The following CST8 variants were observed in gnomAD, a reference collection of about 807,000 sequenced individuals.
CST8 encodes cystatin 8, also known as cystatin-8.
A neutral mutation model predicts 11.8 loss-of-function variants in CST8; 20 were observed. The ratio of observed to expected loss-of-function variants is 1.70; its 90% CI spans 1.20 to 2.47. The LOEUF (loss-of-function observed/expected upper bound fraction) is 2.47. CST8 is among the 30% of genes most tolerant of loss of function. The probability of loss-of-function intolerance (pLI) is 0.00; values close to 1 mark genes in which losing one functional copy is unlikely to be tolerated. For missense variants in CST8, 196 were observed against 167.2 expected (o/e 1.17, Z -0.95); for synonymous variants, 77 against 63.1 (o/e 1.22, Z -1.05).
the CST8 span, among the ~76,000 whole-genome samples, chr20:23,501,519 G>A: frequency 2.6e-5 from 4 of 152,230 alleles, no homozygotes; most frequent in South Asian, 4.1e-4. Flanking sequence ...CTATGGAGGG[G>A]ACAGAGTGAA....
At position 23,493,267 on chromosome 20, in the gene CST8, C is replaced by T. The variant is rs894606669; in HGVS notation, c.345+196C>T. Among the ~76,000 whole-genome samples the T allele has an allele frequency of 3.9e-5, 6 of 152,172 alleles. No individual in the cohort carries two copies. The East Asian group carries it at 1.2e-3, about 29-fold the overall frequency. ...GAACCCTCTGAGCTTCTTTCTCATCCTTCATCCTGCAGAAAGGATGTTGTC... is the reference window on the plus strand; with the variant it reads ...GAACCCTCTGAGCTTCTTTCTCATCTTTCATCCTGCAGAAAGGATGTTGTC... On this transcript the variant is annotated intron_variant, in intron 3 of 3. Coordinates refer to ENST00000246012, the MANE Select transcript of CST8 (RefSeq NM_005492.4).
chr20:23,506,000 T>G, the CST8 span, among the ~76,000 whole-genome samples: 16 of 152,110 alleles, frequency 1.1e-4, no homozygotes, highest in African/African-American at 3.6e-4. Context: ...TCCTAGTTTT[T>G]TTTTTTTTTA....
At chr20:23,506,419 A>G in the CST8 span, among the ~76,000 whole-genome samples, 1 of 152,204 alleles carries the variant, frequency 6.6e-6, no homozygotes, top group African/African-American at 2.4e-5. Flanking sequence ...TTTATAGAAA[A>G]GCATGGTTTG....
At chr20:23,501,084 T>G in the CST8 span, among the ~76,000 whole-genome samples, 2 of 152,264 alleles carry the variant, frequency 1.3e-5, no homozygotes, top group African/African-American at 4.8e-5. Context: ...CTTGTGGAGC[T>G]TTTTGTCCAA....
intron 3 of CST8, among the ~76,000 whole-genome samples, chr20:23,493,498 G>T (rs557112865): frequency 2.5e-4 from 38 of 152,308 alleles, no homozygotes; most frequent in Middle Eastern, 6.8e-3. Context: ...CTGAGCACCA[G>T]GTGCTACGTG....
At chr20:23,498,123 G>A (rs1371530584), downstream of CST8, among the ~76,000 whole-genome samples, 1 of 152,030 alleles carries the variant, frequency 6.6e-6, no homozygotes, top group Admixed American at 6.6e-5. Flanking sequence ...AAATTCTCTT[G>A]AAGAAAGTAA....
downstream of CST8, among the ~76,000 whole-genome samples, chr20:23,500,107 C>T (rs1376629433): frequency 6.6e-6 from 1 of 151,882 alleles, no homozygotes; most frequent in East Asian, 1.9e-4. Flanking sequence ...TTTTAACACT[C>T]AATCTTACGG....
At chr20:23,493,871 G>A (rs1339884660) in intron 3 of CST8, among the ~76,000 whole-genome samples, 1 of 152,148 alleles carries the variant, frequency 6.6e-6, no homozygotes, top group African/African-American at 2.4e-5. Flanking sequence ...CTGATGACCG[G>A]GTTCCACCGG....
the CST8 span, among the ~76,000 whole-genome samples, chr20:23,504,710 C>T: frequency 2.0e-5 from 3 of 152,006 alleles, no homozygotes; most frequent in African/African-American, 7.3e-5. Flanking sequence ...ATAGAACACA[C>T]CCAATGACAA....
chr20:23,505,853 A>T, the CST8 span, among the ~76,000 whole-genome samples: 1 of 152,220 alleles, frequency 6.6e-6, no homozygotes, highest in African/African-American at 2.4e-5. Flanking sequence ...TTGTGTGCAC[A>T]TTAAAGCTTG....
At position 23,491,873 on chromosome 20, in the gene CST8, T is replaced by C; in HGVS notation, c.206T>C (p.Val69Ala). 1 of 1,614,070 alleles carries C rather than the reference T, an allele frequency of 6.2e-7. No homozygotes were observed. The highest frequency in any genetic ancestry group is 1.6e-4 in the Middle Eastern group (1 of 6,062). Residue 69 changes from valine (V) to alanine (A), a missense_variant, in exon 2 of 4, where the codon GTC (valine) becomes GCC (alanine). Coordinates refer to ENST00000246012, the MANE Select transcript of CST8 (RefSeq NM_005492.4). ...GAGGACAAGTATGTCTTCCTGGTGG[T>C]CAAGACACTGCAAGCCCAGCTTCAG... ...ESEDKYVFLV[V>A]KTLQAQLQVT...
chr20:23,494,375 T>C (rs1370169575), intron 3 of CST8, among the ~76,000 whole-genome samples: 1 of 152,216 alleles, frequency 6.6e-6, no homozygotes, highest in African/African-American at 2.4e-5. Context: ...TTTTAAGACA[T>C]ACATGTTCAA....
At chr20:23,502,995 CT>C in the CST8 span, among the ~76,000 whole-genome samples, 3 of 151,776 alleles carry the variant, frequency 2.0e-5, no homozygotes, top group South Asian at 2.1e-4. Context: ...GATTAATTAC[CT>C]TTTTTTTAAA....
downstream of CST8, among the ~76,000 whole-genome samples, chr20:23,500,243 C>T (rs1988150386): frequency 1.3e-5 from 2 of 152,164 alleles, no homozygotes; most frequent in Non-Finnish European, 1.5e-5. Context: ...TTGGAAGGGA[C>T]AAACATCCAA....
chr20:23,492,116 T>C (rs1168988898), intron 2 of CST8, among the ~76,000 whole-genome samples: 2 of 152,220 alleles, frequency 1.3e-5, no homozygotes, highest in African/African-American at 4.8e-5. Context: ...TTCGCATAGA[T>C]TAACTCATTT....
chr20:23,504,431 G>A, the CST8 span, among the ~76,000 whole-genome samples: 1 of 152,094 alleles, frequency 6.6e-6, no homozygotes, highest in Non-Finnish European at 1.5e-5. Context: ...TCCTCCCCAA[G>A]GCAATGTGGA....
the CST8 span, among the ~76,000 whole-genome samples, chr20:23,506,151 C>G: frequency 1.3e-5 from 2 of 152,132 alleles, no homozygotes; most frequent in Non-Finnish European, 2.9e-5. Context: ...CATTTTGCCA[C>G]TTTTCTTACT....
Position 23,491,761 on chromosome 20 carries a change from C to A in CST8, c.94C>A (p.Leu32Met). The A allele has an allele frequency of 6.2e-7, 1 of 1,613,980 alleles. No individual in the cohort carries two copies. The highest frequency in any genetic ancestry group is 8.5e-7 in the Non-Finnish European group (1 of 1,179,864). ...CCCAAAAAAGAATGAGACAGGGGTG[C>A]TGAGGAAATTAAAACCCGTCAATGC... Reference protein sequence around the residue: ...KDPKKNETGVLRKLKPVNASN... With the variant: ...KDPKKNETGVMRKLKPVNASN... Residue 32 changes from leucine (L) to methionine (M), a missense_variant, in exon 2 of 4, where the codon CTG (leucine) becomes ATG (methionine). By Grantham distance (15) the Leu-to-Met change is conservative (BLOSUM62 2). Transcript: ENST00000246012.
the CST8 span, among the ~76,000 whole-genome samples, chr20:23,504,050 A>G: frequency 1.3e-5 from 2 of 152,252 alleles, no homozygotes; most frequent in Admixed American, 1.3e-4. Context: ...TTTTGCTGTA[A>G]AGGTGAGGAA....
Sources: allele counts gnomAD v4.1 joint callset (sites outside exome capture counted in the v4.1 genomes callset), GRCh38; gene constraint gnomAD v4.1.1; transcripts MANE v1.5; gene names NCBI Gene and HGNC (gene_info 2026-07-23, HGNC 2026-07-21).